The following CENPK variants were observed in gnomAD, a reference collection of about 807,000 sequenced individuals.
CENPK encodes the protein centromere protein K.
In CENPK, 46 loss-of-function variants were observed where a neutral mutation model predicts 40.9. The ratio of observed to expected loss-of-function variants is 1.13; its 90% confidence interval spans 0.89 to 1.44. CENPK has a LOEUF of 1.44. Among genes scored for constraint, CENPK ranks in the 40% most tolerant of loss-of-function variants. The pLI is 0.00. For missense variants in CENPK, 288 were observed against 303.5 expected (o/e 0.95, Z 0.38); for synonymous variants, 107 against 104.4 (o/e 1.02, Z -0.15).
At chr5:65,554,414 T>C (rs936559841) in intron 3 of CENPK, among the ~76,000 whole-genome samples, 25 of 152,202 alleles carry the variant, frequency 1.6e-4, no homozygotes, top group African/African-American at 5.8e-4. Flanking sequence ...CCTCCCAAAA[T>C]GCTGGGATTA....
chr5:65,528,210 C>G (rs547141284), intron 9 of CENPK, among the ~76,000 whole-genome samples: 1 of 152,332 alleles, frequency 6.6e-6, no homozygotes, highest in Non-Finnish European at 1.5e-5. Flanking sequence ...CACTGAACTA[C>G]AGCCTGGGTG....
chr5:65,543,742 C>T (rs772992550), intron 5 of CENPK, among the ~76,000 whole-genome samples: 5 of 152,118 alleles, frequency 3.3e-5, no homozygotes, highest in Non-Finnish European at 5.9e-5. Context: ...CTTTTATACA[C>T]GTTTTTATGT....
rs1011178654 is a variant in CENPK, at chr5:65,563,123, C to A, written c.-167G>T. ...CATCACAGCGTCACAAACTCCAGGTCGCCTAGGCGCTGCGCAGGAAGCGCT... is the reference window on the plus strand; with the variant it reads ...CATCACAGCGTCACAAACTCCAGGTAGCCTAGGCGCTGCGCAGGAAGCGCT... On this transcript the variant is annotated 5_prime_UTR_variant, in exon 1 of 11. Transcript: ENST00000396679. 6 of 661,026 alleles carry A rather than the reference C, an allele frequency of 9.1e-6. No individual in the cohort carries two copies. Among genetic ancestry groups the A allele is most frequent in the South Asian group, 2.0e-5 (1 of 49,902 alleles). 40.9% of individuals were successfully genotyped at this position (661,026 alleles called of 1,614,324 possible). A position where few individuals can be genotyped will look rare whatever the true frequency, so the allele number is the denominator to read the frequency against.
intron 3 of CENPK, among the ~76,000 whole-genome samples, chr5:65,552,984 T>C (rs1750357881): frequency 6.6e-6 from 1 of 152,150 alleles, no homozygotes; most frequent in African/African-American, 2.4e-5. Flanking sequence ...ATGATGATTA[T>C]ATGAGATAAA....
intron 5 of CENPK, among the ~76,000 whole-genome samples, chr5:65,546,842 G>A (rs774607231): frequency 6.6e-6 from 1 of 152,116 alleles, no homozygotes; most frequent in Non-Finnish European, 1.5e-5. Context: ...CCAGAATTGT[G>A]AGAAAATTAA....
At chr5:65,512,556 C>A in the CENPK span, among the ~76,000 whole-genome samples, 1 of 152,222 alleles carries the variant, frequency 6.6e-6, no homozygotes, top group African/African-American at 2.4e-5. Flanking sequence ...GGCATCTCAG[C>A]ACTTTTTAGC....
chr5:65,542,409 C>A (rs950602626), intron 6 of CENPK, among the ~76,000 whole-genome samples: 1 of 152,110 alleles, frequency 6.6e-6, no homozygotes, highest in Non-Finnish European at 1.5e-5. Context: ...GAGACTGAGG[C>A]GGGCAGATCA....
At chr5:65,561,326 C>T in intron 2 of CENPK, 137 bp downstream of exon 2, 1 of 242,600 alleles carries the variant, frequency 4.1e-6, no homozygotes, top group Non-Finnish European at 8.8e-6. Context: ...TATCAATATG[C>T]AAAAGTAATG....
chr5:65,526,601 C>T (rs1333872130), intron 9 of CENPK, among the ~76,000 whole-genome samples: 2 of 152,022 alleles, frequency 1.3e-5, no homozygotes, highest in Non-Finnish European at 2.9e-5. Context: ...GCTCACAGGG[C>T]ATGGGGATAA....
chr5:65,545,357 C>T (rs889583390), intron 5 of CENPK, among the ~76,000 whole-genome samples: 1 of 147,438 alleles, frequency 6.8e-6, no homozygotes, highest in Non-Finnish European at 1.5e-5. Context: ...CACACACACA[C>T]ACACACACAC....
chr5:65,537,235 G>C (rs1747074054), intron 6 of CENPK, among the ~76,000 whole-genome samples: 1 of 152,242 alleles, frequency 6.6e-6, no homozygotes, highest in African/African-American at 2.4e-5. Flanking sequence ...GAGTTGCATA[G>C]ATGTGCTCAA....
chr5:65,535,441 C>T (rs897326103), intron 6 of CENPK, among the ~76,000 whole-genome samples: 3 of 152,140 alleles, frequency 2.0e-5, no homozygotes, highest in African/African-American at 7.2e-5. Flanking sequence ...CACATGGCAC[C>T]AGCTTGATTA....
the CENPK span, among the ~76,000 whole-genome samples, chr5:65,508,262 A>G: frequency 6.6e-6 from 1 of 152,214 alleles, no homozygotes; most frequent in Non-Finnish European, 1.5e-5. Flanking sequence ...CTGTGTGTCT[A>G]CAAAATTATT....
At chr5:65,511,550 AC>A in the CENPK span, among the ~76,000 whole-genome samples, 2 of 152,136 alleles carry the variant, frequency 1.3e-5, no homozygotes, top group Admixed American at 6.5e-5. Flanking sequence ...TAAGAATTAT[AC>A]TAAAATCTAC....
At chr5:65,526,918 C>T (rs770112107) in intron 9 of CENPK, among the ~76,000 whole-genome samples, 1 of 152,044 alleles carries the variant, frequency 6.6e-6, no homozygotes, top group Non-Finnish European at 1.5e-5. Context: ...CACGGTGAAA[C>T]CCTGTCTACT....
chr5:65,516,641 T>C (rs1742876814), downstream of CENPK, among the ~76,000 whole-genome samples: 1 of 152,166 alleles, frequency 6.6e-6, no homozygotes, highest in South Asian at 2.1e-4. Flanking sequence ...GTTTTATCTG[T>C]AGTATCTGCA....
At position 65,549,024 on chromosome 5, in the gene CENPK, T is replaced by C. The variant is rs78890993; in HGVS notation, c.241+2540A>G. Among the ~76,000 whole-genome samples the C allele has an allele frequency of 3.9e-3, 594 of 152,328 alleles. 16 individuals are homozygous for C. In the East Asian group the frequency reaches 0.084, roughly 21 times the overall value. ...TTGGCCCAGACCATCAGAGGACTTA[T>C]GACAGCTATAGCCTTACGAAGTGTA... is the stretch of plus-strand genomic sequence containing the variant. On this transcript the variant is annotated intron_variant, in intron 5 of 10. Transcript: ENST00000396679.
the CENPK span, among the ~76,000 whole-genome samples, chr5:65,511,372 C>G: frequency 6.6e-6 from 1 of 152,178 alleles, no homozygotes; most frequent in Non-Finnish European, 1.5e-5. Context: ...GACAAAACAG[C>G]CTTCTATTGG....
At chr5:65,551,350 A>G in intron 5 of CENPK, 1 of 480,526 alleles carries the variant, frequency 2.1e-6, no homozygotes, top group East Asian at 3.6e-5. Flanking sequence ...CGTCTCCATA[A>G]TCAAGCTTAT....
Sources: gnomAD v4.1 joint callset for allele counts (sites outside exome capture counted in the v4.1 genomes callset) on GRCh38, gnomAD v4.1.1 for gene constraint, MANE v1.5 for transcripts, NCBI Gene and HGNC (gene_info 2026-07-23, HGNC 2026-07-21) for gene names.